Variants in CDK6 observed in about 807,000 individuals in gnomAD.
CDK6 encodes the protein cyclin-dependent kinase 6.
In CDK6, 6 loss-of-function variants were observed where a neutral mutation model predicts 37.1. The observed-to-expected ratio is 0.16, with a 90% CI of 0.09 to 0.32. The LOEUF (loss-of-function observed/expected upper bound fraction) is 0.32. CDK6 is among the 10% of genes least tolerant of loss of function. The pLI is 1.00. For missense variants in CDK6, 224 were observed against 418.9 expected, an observed-to-expected ratio of 0.53 and a Z score of 4.06; for synonymous variants, 160 against 161.3, an observed-to-expected ratio of 0.99 and a Z score of 0.06.
intron 3 of CDK6, among the ~76,000 whole-genome samples, chr7:92,757,533 T>C (rs1799345491): frequency 6.6e-6 from 1 of 152,208 alleles, no homozygotes; most frequent in South Asian, 2.1e-4. Flanking sequence ...ATGTACCACA[T>C]TTTCTTTATC....
At chr7:92,825,460 GCACACA>G (rs147959837) in intron 2 of CDK6, among the ~76,000 whole-genome samples, 1 of 148,502 alleles carries the variant, frequency 6.7e-6, no homozygotes, top group African/African-American at 2.5e-5. Context: ...GCACATGCGT[GCACACA>G]CACACACACA....
chr7:92,739,399 C>A (rs1047471053), intron 3 of CDK6, among the ~76,000 whole-genome samples: 1 of 152,226 alleles, frequency 6.6e-6, no homozygotes, highest in African/African-American at 2.4e-5. Context: ...TAACTGTAAT[C>A]TCCATCTGTT....
chr7:92,710,469 A>T (rs1167809889), intron 4 of CDK6, among the ~76,000 whole-genome samples: 1 of 152,248 alleles, frequency 6.6e-6, no homozygotes, highest in East Asian at 1.9e-4. Flanking sequence ...ATATTCGGTT[A>T]TCGGAACCAA....
In CDK6 at chr7:92,836,543, GTCCGCGGCCTCGC is replaced by G. The variant is rs1224145297; in HGVS notation, c.-446_-434del. Reference sequence around the variant, plus strand: ...GAGTGTCAGTCGGCTCTCCGCACGTGTCCGCGGCCTCGCGGAGCAGGTAATCAGACTCTGGGGA... The same window carrying G: ...GAGTGTCAGTCGGCTCTCCGCACGTGGGAGCAGGTAATCAGACTCTGGGGA... On this transcript the variant is annotated 5_prime_UTR_variant, in exon 1 of 8. Coordinates refer to ENST00000424848, the MANE Select transcript of CDK6 (RefSeq NM_001145306.2). The G allele has an allele frequency of 1.3e-5, 2 of 152,066 alleles. No homozygotes were observed. The highest frequency in any genetic ancestry group is 2.9e-5 in the Non-Finnish European group (2 of 68,034). The allele number at this position is 152,066 out of a possible 1,614,324, so 9.4% of individuals were successfully genotyped here.
chr7:92,626,869 TAA>T (rs1222618158), intron 5 of CDK6, among the ~76,000 whole-genome samples: 2 of 152,082 alleles, frequency 1.3e-5, no homozygotes, highest in African/African-American at 2.4e-5. Flanking sequence ...GATTTAGTTT[TAA>T]ATATTTTCCT....
At chr7:92,741,862 T>C (rs755190224) in intron 3 of CDK6, among the ~76,000 whole-genome samples, 11 of 152,324 alleles carry the variant, frequency 7.2e-5, no homozygotes, top group Admixed American at 4.6e-4. Flanking sequence ...CAACAGACTA[T>C]AGCTACTCGA....
chr7:92,818,266 G>C (rs779836960), intron 2 of CDK6, among the ~76,000 whole-genome samples: 2 of 151,894 alleles, frequency 1.3e-5, no homozygotes, highest in Non-Finnish European at 2.9e-5. Context: ...CAATGCAAAA[G>C]AACAAAGAGT....
At chr7:92,616,276 C>T (rs949415065) in intron 7 of CDK6, among the ~76,000 whole-genome samples, 1 of 152,190 alleles carries the variant, frequency 6.6e-6, no homozygotes, top group African/African-American at 2.4e-5. Context: ...AATAGGACTC[C>T]TGCTCACAGT....
intron 4 of CDK6, among the ~76,000 whole-genome samples, chr7:92,689,297 T>C (rs1797545555): frequency 1.3e-5 from 2 of 152,214 alleles, no homozygotes; most frequent in African/African-American, 4.8e-5. Flanking sequence ...CTTCTATGTG[T>C]CCACATGTTC....
intron 4 of CDK6, chr7:92,701,598 G>A (rs1000571114): frequency 6.6e-6 from 1 of 152,258 alleles, no homozygotes; most frequent in African/African-American, 2.4e-5. Flanking sequence ...GTAGAGACAG[G>A]ATTTCACCGT....
intron 6 of CDK6, among the ~76,000 whole-genome samples, chr7:92,619,719 T>C (rs1009890916): frequency 5.9e-5 from 9 of 151,598 alleles, no homozygotes; most frequent in Non-Finnish European, 1.3e-4. Context: ...TCTGCCTGGG[T>C]GTCTGGGGAA....
chr7:92,755,183 G>A (rs929602722), intron 3 of CDK6, among the ~76,000 whole-genome samples: 1 of 152,038 alleles, frequency 6.6e-6, no homozygotes, highest in African/African-American at 2.4e-5. Context: ...GTTGATAGCC[G>A]ACACTCCTTG....
At chr7:92,793,750 A>G (rs1373218425) in intron 2 of CDK6, among the ~76,000 whole-genome samples, 1 of 152,148 alleles carries the variant, frequency 6.6e-6, no homozygotes, top group Non-Finnish European at 1.5e-5. Context: ...AGATCACTAC[A>G]GATTCATCAA....
chr7:92,647,330 A>G (rs531882127), intron 5 of CDK6, among the ~76,000 whole-genome samples: 68 of 152,348 alleles, frequency 4.5e-4, no homozygotes, highest in African/African-American at 1.5e-3. Context: ...GTGAGAGTGA[A>G]TACCCGAAGG....
intron 2 of CDK6, among the ~76,000 whole-genome samples, chr7:92,812,703 C>T (rs888817864): frequency 6.6e-6 from 1 of 152,110 alleles, no homozygotes; most frequent in Non-Finnish European, 1.5e-5. Context: ...TGGGATTACA[C>T]ACATGAGCCA....
intron 5 of CDK6, among the ~76,000 whole-genome samples, chr7:92,664,484 C>T (rs1796912148): frequency 1.3e-5 from 2 of 152,318 alleles, no homozygotes; most frequent in East Asian, 1.9e-4. Flanking sequence ...AAGACATTTG[C>T]TCACTGACCA....
chr7:92,746,444 G>A (rs1417286631), intron 3 of CDK6, among the ~76,000 whole-genome samples: 2 of 152,230 alleles, frequency 1.3e-5, no homozygotes, highest in East Asian at 1.9e-4. Flanking sequence ...AAAATTCCAC[G>A]TTTAAGTACT....
intron 2 of CDK6, among the ~76,000 whole-genome samples, chr7:92,789,381 C>T (rs1800224513): frequency 6.6e-6 from 1 of 152,120 alleles, no homozygotes; most frequent in East Asian, 1.9e-4. Flanking sequence ...AGGTAACTAA[C>T]TACATAGGTA....
chr7:92,662,115 T>C (rs1167716447), intron 5 of CDK6, among the ~76,000 whole-genome samples: 1 of 152,100 alleles, frequency 6.6e-6, no homozygotes, highest in Non-Finnish European at 1.5e-5. Flanking sequence ...AGTGAGAACC[T>C]AGAAGCAGGG....
Sources: gnomAD v4.1 joint callset for allele counts (sites outside exome capture counted in the v4.1 genomes callset) on GRCh38, gnomAD v4.1.1 for gene constraint, MANE v1.5 for transcripts, NCBI Gene and HGNC (gene_info 2026-07-23, HGNC 2026-07-21) for gene names.